Variants in ANKRD44 observed in about 807,000 individuals in gnomAD.
The protein encoded by ANKRD44 is ankyrin repeat domain 44.
In ANKRD44, 35 loss-of-function variants were observed where a neutral mutation model predicts 116.0. The observed-to-expected ratio is 0.30, with a 90% confidence interval of 0.23 to 0.40. The LOEUF is 0.40. ANKRD44 is among the 10% of genes least tolerant of loss of function. The probability of loss-of-function intolerance (pLI) is 1.00; values close to 1 mark genes in which losing one functional copy is unlikely to be tolerated. For synonymous variants in ANKRD44, 435 were observed against 461.8 expected, an observed-to-expected ratio of 0.94 and a Z score of 0.74; for missense variants, 1,014 against 1,242.6, an observed-to-expected ratio of 0.82 and a Z score of 2.77.
intron 23 of ANKRD44, 64 bp downstream of exon 23, chr2:197,000,355 C>T (rs948499297): frequency 7.7e-7 from 1 of 1,300,650 alleles, no homozygotes; most frequent in East Asian, 2.3e-5. Flanking sequence ...TTTGGCTACT[C>T]TGCAACTGCA....
chr2:197,211,937 C>T (rs958906310), intron 1 of ANKRD44, among the ~76,000 whole-genome samples: 1 of 151,970 alleles, frequency 6.6e-6, no homozygotes, highest in African/African-American at 2.4e-5. Flanking sequence ...ATCACTTTGC[C>T]CTCCTCAGGT....
At chr2:197,032,400 T>G (rs538068953) in intron 16 of ANKRD44, among the ~76,000 whole-genome samples, 1 of 151,532 alleles carries the variant, frequency 6.6e-6, no homozygotes. Flanking sequence ...CTTTTTTTTT[T>G]TTTTTTGAGA....
intron 8 of ANKRD44, among the ~76,000 whole-genome samples, chr2:197,111,674 C>T (rs2078570677): frequency 6.7e-6 from 1 of 149,204 alleles, no homozygotes; most frequent in South Asian, 2.1e-4. Context: ...ATCTGGAACC[C>T]TCTACTATTC....
At chr2:197,193,269 C>T (rs781333993) in intron 1 of ANKRD44, among the ~76,000 whole-genome samples, 16 of 152,110 alleles carry the variant, frequency 1.1e-4, no homozygotes, top group Non-Finnish European at 1.9e-4. Context: ...TTTCTCTGCT[C>T]TTTAATACCA....
rs1559077622 is a variant in ANKRD44 at position 197,118,635 on chromosome 2, G to GAA, written c.906+2696_906+2697insTT. On this transcript the variant is annotated intron_variant, in intron 8 of 27. Coordinates refer to ENST00000282272, the MANE Select transcript of ANKRD44 (RefSeq NM_001195144.2). The stretch of plus-strand genomic sequence containing the variant: ...AAAGAAAGAGAGAGAGAGAGAGAGA[G>GAA]AGAGAAAGAAAGAAAGAAAGAAAGA... 3.0e-3 allele frequency among the ~76,000 whole-genome samples: 427 copies of GAA among 140,982 alleles called. 4 individuals are homozygous for GAA. The highest frequency in any genetic ancestry group is 0.011 in the African/African-American group (390 of 34,200). 92.5% of individuals were successfully genotyped at this position (140,982 alleles called of 152,430 possible).
intron 2 of ANKRD44, among the ~76,000 whole-genome samples, chr2:197,149,066 C>A (rs139030615): frequency 4.8e-4 from 73 of 152,292 alleles, no homozygotes; most frequent in Non-Finnish European, 5.3e-4. Context: ...GATGCATTTT[C>A]CATTTTAGCC....
chr2:197,213,330 T>C (rs766067414), intron 1 of ANKRD44, among the ~76,000 whole-genome samples: 1 of 152,224 alleles, frequency 6.6e-6, no homozygotes, highest in African/African-American at 2.4e-5. Flanking sequence ...TTTTGGCATA[T>C]CATCTTCCAA....
At chr2:197,278,778 A>G (rs1023025415) in intron 1 of ANKRD44, among the ~76,000 whole-genome samples, 1 of 152,136 alleles carries the variant, frequency 6.6e-6, no homozygotes, top group African/African-American at 2.4e-5. Flanking sequence ...CCTTTCTCTC[A>G]TTGCGACACG....
At chr2:197,282,502 GT>G (rs1451369604) in intron 1 of ANKRD44, among the ~76,000 whole-genome samples, 4 of 152,140 alleles carry the variant, frequency 2.6e-5, no homozygotes. Context: ...TGTTGGAATG[GT>G]TTTGATGTGG....
chr2:197,146,066 C>T (rs2079493843), intron 3 of ANKRD44, among the ~76,000 whole-genome samples: 2 of 152,134 alleles, frequency 1.3e-5, no homozygotes, highest in South Asian at 4.1e-4. Flanking sequence ...GTGAGATATA[C>T]TGAGCATACA....
intron 1 of ANKRD44, among the ~76,000 whole-genome samples, chr2:197,252,650 G>A (rs1053240064): frequency 3.3e-5 from 5 of 152,110 alleles, no homozygotes; most frequent in African/African-American, 4.8e-5. Context: ...CTCATGATCC[G>A]CCCACCTCAG....
intron 16 of ANKRD44, among the ~76,000 whole-genome samples, chr2:197,056,288 A>G (rs2077201563): frequency 6.6e-6 from 1 of 152,190 alleles, no homozygotes; most frequent in Non-Finnish European, 1.5e-5. Flanking sequence ...ACACACAAAA[A>G]AAAAACCCTG....
intron 16 of ANKRD44, chr2:197,030,089 T>C (rs1031489960): frequency 6.4e-6 from 1 of 155,042 alleles, no homozygotes; most frequent in African/African-American, 2.4e-5. Flanking sequence ...GCTCAACCAG[T>C]ACCCTAAAAC....
intron 4 of ANKRD44, chr2:197,134,472 T>C (rs2079170318): frequency 6.6e-6 from 1 of 152,228 alleles, no homozygotes; most frequent in Non-Finnish European, 1.5e-5. Flanking sequence ...GGTCAGTCCA[T>C]CATTAGGCTG....
rs1384786678 is a variant in ANKRD44 at position 197,121,519 on chromosome 2, T to C, written c.719A>G (p.Asn240Ser). The change falls in exon 8 of 28, where the codon AAT (asparagine) becomes AGT (serine). Residue 240 changes from asparagine (N) to serine (S), a missense_variant. Physicochemically the swap from Asn to Ser is conservative, Grantham distance 46 (BLOSUM62 1). Transcript: ENST00000282272. Reference protein sequence around the residue: ...VEIDEINVYGNTALHIACYNG... With the variant: ...VEIDEINVYGSTALHIACYNG... ...GTAGCAGGCGATGTGAAGCGCTGTA[T>C]TTCCATAGACATTGATTTCATCAAT... is the stretch of plus-strand genomic sequence containing the variant. The C allele has an allele frequency of 6.2e-7, 1 of 1,614,192 alleles. No individual in the cohort carries two copies. Among genetic ancestry groups the C allele is most frequent in the Non-Finnish European group, 8.5e-7 (1 of 1,180,032 alleles).
At chr2:197,105,699 T>A (rs1484872207) in intron 9 of ANKRD44, among the ~76,000 whole-genome samples, 2 of 152,254 alleles carry the variant, frequency 1.3e-5, no homozygotes, top group African/African-American at 4.8e-5. Context: ...CAGTTAACTA[T>A]GATCTGAATT....
rs968585056 is a variant in ANKRD44, at chr2:197,028,380, G to A, written c.1651-3113C>T. Among the ~76,000 whole-genome samples the A allele has an allele frequency of 3.3e-5, 5 of 152,240 alleles. No homozygotes were observed. The East Asian group carries it at 9.6e-4, about 29-fold the overall frequency. ...TGGGACTACAGGCACAAGTCACCAC[G>A]CCTGGCTCTTGAAGCTTTTCTTTGT... On this transcript the variant is annotated intron_variant, in intron 16 of 27. Coordinates refer to ENST00000282272, the MANE Select transcript of ANKRD44 (RefSeq NM_001195144.2).
chr2:197,121,464 C>A lies in ANKRD44; in HGVS notation c.774G>T (p.Leu258Phe). Residue 258 changes from leucine (L) to phenylalanine (F), a missense_variant, in exon 8 of 28, where the codon TTG (leucine) becomes TTT (phenylalanine). Physicochemically the swap from Leu to Phe is conservative, Grantham distance 22. Transcript: ENST00000282272. ...GGTTCACGTTAGCACCGTAGTCAAT[C>A]AACTCGTTAACCACAGCATCCTGTC... ...YNGQDAVVNE[L>F]IDYGANVNQP... The A allele has an allele frequency of 1.2e-6, 2 of 1,614,206 alleles. No homozygotes were observed. Among genetic ancestry groups the A allele is most frequent in the South Asian group, 2.2e-5 (2 of 91,082 alleles).
chr2:197,001,032 C>T (rs767499113), intron 22 of ANKRD44, among the ~76,000 whole-genome samples: 17 of 152,230 alleles, frequency 1.1e-4, no homozygotes, highest in East Asian at 9.6e-4. Context: ...AGCGAGACTC[C>T]GTCTCAAAAA....
Sources: allele counts gnomAD v4.1 joint callset (sites outside exome capture counted in the v4.1 genomes callset), GRCh38; gene constraint gnomAD v4.1.1; transcripts MANE v1.5; gene names NCBI Gene and HGNC (gene_info 2026-07-23, HGNC 2026-07-21).